The following PCDH7 variants were observed in gnomAD, a reference collection of about 807,000 sequenced individuals.
PCDH7 encodes the protein protocadherin-7.
PCDH7 carries 17 observed loss-of-function variants against 58.9 expected under a neutral mutation model. The observed-to-expected ratio is 0.29, with a 90% CI of 0.20 to 0.43. The LOEUF (loss-of-function observed/expected upper bound fraction) is 0.43, where lower values mean the gene tolerates loss of function less well. PCDH7 is among the 20% of genes least tolerant of loss of function. The pLI, the probability that PCDH7 is intolerant of heterozygous loss-of-function variation, is 1.00. For missense variants in PCDH7, 1,274 were observed against 1,441.0 expected (o/e 0.88, Z 1.88); for synonymous variants, 664 against 616.4 (o/e 1.08, Z -1.14).
At chr4:31,114,950 C>T (rs1716814557) in intron 3 of PCDH7, among the ~76,000 whole-genome samples, 1 of 152,122 alleles carries the variant, frequency 6.6e-6, no homozygotes, top group Admixed American at 6.5e-5. Flanking sequence ...TTCTTTTTCT[C>T]CCATTAGCTA....
intron 1 of PCDH7, among the ~76,000 whole-genome samples, chr4:30,761,026 G>T (rs1719954977): frequency 6.6e-6 from 1 of 152,164 alleles, no homozygotes; most frequent in South Asian, 2.1e-4. Context: ...TTGGTTGAGT[G>T]CTTGCCTAAA....
chr4:30,815,476 T>C (rs1391563221), intron 1 of PCDH7, among the ~76,000 whole-genome samples: 1 of 152,212 alleles, frequency 6.6e-6, no homozygotes, highest in Non-Finnish European at 1.5e-5. Flanking sequence ...TGGGGTTTTA[T>C]ACAATGACAT....
At chr4:30,933,388 G>A (rs1404620114) in intron 2 of PCDH7, among the ~76,000 whole-genome samples, 1 of 152,066 alleles carries the variant, frequency 6.6e-6, no homozygotes, top group Non-Finnish European at 1.5e-5. Flanking sequence ...TATCTTTGAG[G>A]TCATCTGAAA....
downstream of PCDH7, chr4:31,144,172 G>A (rs938048648): frequency 6.6e-6 from 1 of 152,144 alleles, no homozygotes; most frequent in African/African-American, 2.4e-5. Flanking sequence ...TGAATCGTGT[G>A]CAATATAGAA....
chr4:31,047,142 C>T (rs1756355597), intron 3 of PCDH7, among the ~76,000 whole-genome samples: 1 of 151,686 alleles, frequency 6.6e-6, no homozygotes, highest in Non-Finnish European at 1.5e-5. Flanking sequence ...TTTCCTTTTT[C>T]TCTGATTACA....
At chr4:30,975,884 AC>A (rs1420282560) in intron 3 of PCDH7, among the ~76,000 whole-genome samples, 2 of 152,160 alleles carry the variant, frequency 1.3e-5, no homozygotes, top group African/African-American at 4.8e-5. Context: ...TCTAACCACA[AC>A]CCTTAACAGC....
At chr4:31,098,538 G>A (rs1714474088) in intron 3 of PCDH7, among the ~76,000 whole-genome samples, 1 of 152,190 alleles carries the variant, frequency 6.6e-6, no homozygotes, top group South Asian at 2.1e-4. Context: ...ACAATGTTAT[G>A]ATTATAGCAT....
chr4:30,853,042 A>C (rs1732978898), intron 1 of PCDH7, among the ~76,000 whole-genome samples: 1 of 151,998 alleles, frequency 6.6e-6, no homozygotes, highest in Admixed American at 6.6e-5. Context: ...GTTATTGAGA[A>C]AGTGACATGA....
At chr4:31,135,058 A>G (rs1298311704) in intron 3 of PCDH7, among the ~76,000 whole-genome samples, 7 of 152,178 alleles carry the variant, frequency 4.6e-5, no homozygotes, top group Admixed American at 4.6e-4. Context: ...TGAAATCTTC[A>G]TAGCTCATGC....
intron 3 of PCDH7, among the ~76,000 whole-genome samples, chr4:31,106,248 T>C (rs1715560719): frequency 6.6e-6 from 1 of 152,170 alleles, no homozygotes; most frequent in Admixed American, 6.5e-5. Context: ...GTGTCTGTGC[T>C]AGGAAGAGGC....
At chr4:30,882,941 C>G (rs1336297651) in intron 1 of PCDH7, among the ~76,000 whole-genome samples, 1 of 152,186 alleles carries the variant, frequency 6.6e-6, no homozygotes, top group Admixed American at 6.5e-5. Context: ...CTTATTGACC[C>G]AGCCACATAA....
intron 1 of PCDH7, among the ~76,000 whole-genome samples, chr4:30,828,607 G>GT (rs1204892028): frequency 2.0e-5 from 3 of 151,858 alleles, no homozygotes; most frequent in South Asian, 2.1e-4. Flanking sequence ...AAACCTGCAT[G>GT]TTTTTCTGAA....
At chr4:30,734,171 ACTTT>A (rs1715913800), downstream of PCDH7, among the ~76,000 whole-genome samples, 1 of 151,766 alleles carries the variant, frequency 6.6e-6, no homozygotes, top group Admixed American at 6.6e-5. Flanking sequence ...TTTGCAAAAC[ACTTT>A]CTTTGATGTG....
At chr4:30,928,378 G>A (rs1163792005) in intron 2 of PCDH7, among the ~76,000 whole-genome samples, 3 of 152,182 alleles carry the variant, frequency 2.0e-5, no homozygotes, top group African/African-American at 7.2e-5. Context: ...ATAAAGCAAA[G>A]TAGAACAATA....
chr4:31,081,058 T>A (rs1267793963), intron 3 of PCDH7, among the ~76,000 whole-genome samples: 1 of 152,202 alleles, frequency 6.6e-6, no homozygotes, highest in Non-Finnish European at 1.5e-5. Context: ...TTTTTCTTTA[T>A]AACCTACCCA....
At chr4:30,775,560 T>C (rs1443737144) in intron 1 of PCDH7, among the ~76,000 whole-genome samples, 1 of 152,186 alleles carries the variant, frequency 6.6e-6, no homozygotes, top group East Asian at 1.9e-4. Context: ...ATTCTTGTAA[T>C]CATTATTTCG....
At chr4:31,096,357 T>C (rs1210773221) in intron 3 of PCDH7, among the ~76,000 whole-genome samples, 1 of 152,014 alleles carries the variant, frequency 6.6e-6, no homozygotes, top group African/African-American at 2.4e-5. Flanking sequence ...AAATAGAAAG[T>C]TGGGTCACTG....
At chr4:31,124,157 G>A (rs1242897942) in intron 3 of PCDH7, among the ~76,000 whole-genome samples, 1 of 152,152 alleles carries the variant, frequency 6.6e-6, no homozygotes, top group Non-Finnish European at 1.5e-5. Flanking sequence ...CCTCGAGGGT[G>A]GAGCCCTCAC....
intron 3 of PCDH7, among the ~76,000 whole-genome samples, chr4:31,067,378 A>C (rs1475935078): frequency 2.4e-5 from 3 of 126,312 alleles, no homozygotes; most frequent in African/African-American, 5.4e-5. Flanking sequence ...CTGAGACAAA[A>C]AAAAAAAAAA....
Sources: gnomAD v4.1 joint callset for allele counts (sites outside exome capture counted in the v4.1 genomes callset) on GRCh38, gnomAD v4.1.1 for gene constraint, MANE v1.5 for transcripts, NCBI Gene and HGNC (gene_info 2026-07-23, HGNC 2026-07-21) for gene names.